The following MARCHF1 variants were observed in gnomAD, a reference collection of about 807,000 sequenced individuals.
MARCHF1 encodes the protein membrane associated ring-CH-type finger 1.
A neutral mutation model predicts 54.2 loss-of-function variants in MARCHF1; 40 were observed. The ratio of observed to expected loss-of-function variants is 0.74; its 90% CI spans 0.57 to 0.96. MARCHF1 has a LOEUF of 0.96. MARCHF1 is among the 40% of genes least tolerant of loss of function. MARCHF1 has a pLI of 0.00. For missense variants in MARCHF1, 586 were observed against 656.5 expected (o/e 0.89, Z 1.17); for synonymous variants, 236 against 236.3 (o/e 1.00, Z 0.01).
intron 1 of MARCHF1, among the ~76,000 whole-genome samples, chr4:164,161,217 G>A (rs949496087): frequency 2.6e-5 from 4 of 152,006 alleles, no homozygotes; most frequent in Admixed American, 6.6e-5. Flanking sequence ...GTTGTTCTGC[G>A]ATCTGGTTGT....
At chr4:164,087,982 G>T (rs903680637) in intron 2 of MARCHF1, among the ~76,000 whole-genome samples, 7 of 152,124 alleles carry the variant, frequency 4.6e-5, no homozygotes, top group African/African-American at 1.7e-4. Flanking sequence ...TTTGAGTAGA[G>T]ACGTTAAATT....
At chr4:163,547,048 C>T (rs774742429) in intron 8 of MARCHF1, among the ~76,000 whole-genome samples, 2 of 152,180 alleles carry the variant, frequency 1.3e-5, no homozygotes, top group African/African-American at 2.4e-5. Context: ...AAAGCAAAAT[C>T]TTCAGAACTT....
At chr4:164,361,266 A>C (rs2110925712) in intron 1 of MARCHF1, among the ~76,000 whole-genome samples, 1 of 152,172 alleles carries the variant, frequency 6.6e-6, no homozygotes, top group African/African-American at 2.4e-5. Context: ...TCCTTTTATC[A>C]AACTTTTATA....
At chr4:163,848,561 T>A (rs1346653770) in intron 4 of MARCHF1, among the ~76,000 whole-genome samples, 1 of 152,216 alleles carries the variant, frequency 6.6e-6, no homozygotes, top group African/African-American at 2.4e-5. Flanking sequence ...GCTCTCATTT[T>A]AAATTTAATA....
chr4:163,974,737 G>A lies in MARCHF1; in HGVS notation c.-39+13764C>T, dbSNP rs115865058. Among the ~76,000 whole-genome samples, 1,421 of 152,252 alleles carry A rather than the reference G, an allele frequency of 9.3e-3. 23 individuals are homozygous for A. Among genetic ancestry groups the A allele is most frequent in the African/African-American group, 0.031 (1,305 of 41,562 alleles). ...CTGGCTTTGAGAGCAGGTATCAGTC[G>A]GAAGCCAGAAAGACCTGGTGACGGT... On this transcript the variant is annotated intron_variant, in intron 3 of 9. Coordinates refer to ENST00000514618, the MANE Select transcript of MARCHF1 (RefSeq NM_001394959.1).
intron 2 of MARCHF1, among the ~76,000 whole-genome samples, chr4:164,030,084 A>C (rs1267448721): frequency 2.0e-5 from 3 of 152,210 alleles, no homozygotes; most frequent in Non-Finnish European, 2.9e-5. Flanking sequence ...ATATGTAATT[A>C]ATACATATCT....
At chr4:164,178,547 G>T (rs1180718510) in intron 1 of MARCHF1, among the ~76,000 whole-genome samples, 1 of 152,166 alleles carries the variant, frequency 6.6e-6, no homozygotes. Context: ...ATGTAACAGA[G>T]AAACAATTAT....
At chr4:163,572,671 T>G (rs1040583296) in intron 8 of MARCHF1, among the ~76,000 whole-genome samples, 1 of 152,136 alleles carries the variant, frequency 6.6e-6, no homozygotes, top group African/African-American at 2.4e-5. Flanking sequence ...GAATTCCTTA[T>G]AGTAGAAGCA....
intron 3 of MARCHF1, among the ~76,000 whole-genome samples, chr4:163,940,234 T>C (rs1404070141): frequency 6.6e-6 from 1 of 152,144 alleles, no homozygotes; most frequent in African/African-American, 2.4e-5. Flanking sequence ...CCACTAACTT[T>C]ATGATGTTCT....
chr4:164,101,859 C>T (rs1272152030), intron 2 of MARCHF1, among the ~76,000 whole-genome samples: 1 of 151,788 alleles, frequency 6.6e-6, no homozygotes, highest in Admixed American at 6.6e-5. Context: ...AAGTTGAAAA[C>T]TTTGAAAAAA....
intron 2 of MARCHF1, among the ~76,000 whole-genome samples, chr4:164,057,061 A>G (rs1265431595): frequency 6.6e-6 from 1 of 152,180 alleles, no homozygotes; most frequent in Non-Finnish European, 1.5e-5. Flanking sequence ...GTAACACTAA[A>G]TAGCAAATTA....
intron 4 of MARCHF1, among the ~76,000 whole-genome samples, chr4:163,822,573 G>A (rs1494293): frequency 0.79 from 119,592 of 151,748 alleles, 48,199 homozygotes; most frequent in South Asian, 0.91. Flanking sequence ...TGTACTGCAC[G>A]TTAAACAAAA....
chr4:164,371,443 AAC>A lies in MARCHF1; in HGVS notation c.-323+12425_-323+12426del, dbSNP rs1457316162. Among the ~76,000 whole-genome samples the A allele has an allele frequency of 2.6e-5, 4 of 152,356 alleles. No homozygotes were observed. In the East Asian group the frequency reaches 7.7e-4, roughly 29 times the overall value. On this transcript the variant is annotated intron_variant, in intron 1 of 9. Coordinates refer to ENST00000514618, the MANE Select transcript of MARCHF1 (RefSeq NM_001394959.1). The stretch of plus-strand genomic sequence containing the variant: ...AAATCTCTATACAAAAAGACATAGT[AAC>A]ACAACTTAAAAACAAGGGACAGAAT...
At chr4:164,280,239 A>G (rs1733992604) in intron 1 of MARCHF1, among the ~76,000 whole-genome samples, 1 of 152,016 alleles carries the variant, frequency 6.6e-6, no homozygotes, top group Non-Finnish European at 1.5e-5. Context: ...AAGTTTACAT[A>G]GATCTTTCCT....
chr4:163,724,766 T>C (rs954385953), intron 4 of MARCHF1, among the ~76,000 whole-genome samples: 1 of 152,204 alleles, frequency 6.6e-6, no homozygotes, highest in Non-Finnish European at 1.5e-5. Context: ...ACTGCTGTGC[T>C]AGCAATGAAT....
At chr4:163,934,401 T>G (rs1394289490) in intron 3 of MARCHF1, among the ~76,000 whole-genome samples, 2 of 151,718 alleles carry the variant, frequency 1.3e-5, no homozygotes, top group East Asian at 3.9e-4. Context: ...TCTGCAATTT[T>G]TTTTTTAATT....
At chr4:163,860,057 T>C (rs1025352001) in intron 3 of MARCHF1, among the ~76,000 whole-genome samples, 2 of 152,168 alleles carry the variant, frequency 1.3e-5, no homozygotes, top group African/African-American at 2.4e-5. Context: ...ATGAGAAAGC[T>C]GCATAAAACC....
chr4:164,323,367 G>T (rs1735189919), intron 1 of MARCHF1, among the ~76,000 whole-genome samples: 8 of 151,604 alleles, frequency 5.3e-5, no homozygotes, highest in South Asian at 2.1e-4. Context: ...CTGTACTTAG[G>T]AAAATATACA....
At chr4:164,106,773 A>T (rs199994948) in intron 2 of MARCHF1, among the ~76,000 whole-genome samples, 238 of 9,222 alleles carry the variant, frequency 0.026, 1 homozygote, top group African/African-American at 0.033. Flanking sequence ...TAATAAAAAT[A>T]AAAAATAAAA....
Sources: gnomAD v4.1 joint callset for allele counts (sites outside exome capture counted in the v4.1 genomes callset) on GRCh38, gnomAD v4.1.1 for gene constraint, MANE v1.5 for transcripts, NCBI Gene and HGNC (gene_info 2026-07-23, HGNC 2026-07-21) for gene names.